The following LINGO2 variants were observed in gnomAD, a reference collection of about 807,000 sequenced individuals.
LINGO2 encodes the protein leucine rich repeat and Ig domain containing 2, also known as leucine-rich repeat and immunoglobulin-like domain-containing nogo receptor-interacting protein 2.
Under a neutral mutation model 30.6 loss-of-function variants are expected in LINGO2, and 14 were observed. That is an observed-to-expected ratio of 0.46 (90% CI 0.30 to 0.72). The LOEUF is 0.72. Among genes scored for constraint, LINGO2 ranks in the 30% least tolerant of loss-of-function variants. The probability of loss-of-function intolerance (pLI) is 0.07; values close to 1 mark genes in which losing one functional copy is unlikely to be tolerated. For synonymous variants in LINGO2, 317 were observed against 288.5 expected (o/e 1.10, Z -1.00); for missense variants, 729 against 751.7 (o/e 0.97, Z 0.35).
At chr9:28,076,927 T>TA (rs2133199668) in intron 4 of LINGO2, among the ~76,000 whole-genome samples, 1 of 152,278 alleles carries the variant, frequency 6.6e-6, no homozygotes, top group East Asian at 1.9e-4. Flanking sequence ...GTCTATTATT[T>TA]CATTGTTTGT....
chr9:29,105,882 A>G, the LINGO2 span, among the ~76,000 whole-genome samples: 1 of 152,136 alleles, frequency 6.6e-6, no homozygotes, highest in East Asian at 1.9e-4. Flanking sequence ...TCAGTCCTAC[A>G]TCCATAGTGA....
intron 4 of LINGO2, among the ~76,000 whole-genome samples, chr9:28,160,251 A>G (rs147603549): frequency 0.024 from 3,618 of 152,324 alleles, 83 homozygotes; most frequent in Non-Finnish European, 0.036. Context: ...AGTAGAAATA[A>G]GACCATCTTG....
intron 5 of LINGO2, among the ~76,000 whole-genome samples, chr9:28,001,101 A>G (rs998850971): frequency 2.2e-4 from 33 of 152,354 alleles, no homozygotes; most frequent in African/African-American, 7.7e-4. Context: ...ACATTTTTAA[A>G]GGAATTTTCT....
chr9:28,640,826 C>A (rs1230566642), intron 1 of LINGO2, among the ~76,000 whole-genome samples: 1 of 152,130 alleles, frequency 6.6e-6, no homozygotes. Flanking sequence ...TCTCTCAACT[C>A]GTCAAAGTCA....
chr9:28,933,586 A>G, the LINGO2 span, among the ~76,000 whole-genome samples: 1 of 152,160 alleles, frequency 6.6e-6, no homozygotes, highest in Non-Finnish European at 1.5e-5. Flanking sequence ...CAAAGATTTT[A>G]TAAGTGTGAA....
the LINGO2 span, chr9:28,889,025 C>G: frequency 2.2e-6 from 1 of 456,168 alleles, no homozygotes; most frequent in Non-Finnish European, 4.7e-6. Flanking sequence ...CAAGTGAATA[C>G]AGTAATCTGT....
At chr9:28,059,125 A>G (rs1825058287) in intron 4 of LINGO2, among the ~76,000 whole-genome samples, 1 of 152,094 alleles carries the variant, frequency 6.6e-6, no homozygotes, top group African/African-American at 2.4e-5. Flanking sequence ...GTCCTCTGGA[A>G]TGTGTCTAGA....
At chr9:28,959,628 A>T in the LINGO2 span, among the ~76,000 whole-genome samples, 1 of 151,350 alleles carries the variant, frequency 6.6e-6, no homozygotes, top group Non-Finnish European at 1.5e-5. Context: ...ACACACACAC[A>T]CACACACACA....
intron 2 of LINGO2, among the ~76,000 whole-genome samples, chr9:28,432,408 A>T (rs906994443): frequency 1.3e-5 from 2 of 151,598 alleles, no homozygotes; most frequent in Non-Finnish European, 2.9e-5. Flanking sequence ...TAAGATATTT[A>T]CTAATATACA....
the LINGO2 span, among the ~76,000 whole-genome samples, chr9:28,875,444 A>G: frequency 6.6e-6 from 1 of 152,084 alleles, no homozygotes; most frequent in South Asian, 2.1e-4. Flanking sequence ...ACTTTCACCT[A>G]TATGTTTACA....
intron 3 of LINGO2, among the ~76,000 whole-genome samples, chr9:28,349,126 G>A (rs1294052036): frequency 6.6e-6 from 1 of 152,210 alleles, no homozygotes; most frequent in African/African-American, 2.4e-5. Flanking sequence ...TTCCTCACTA[G>A]CAACGGAACA....
intron 4 of LINGO2, among the ~76,000 whole-genome samples, chr9:28,167,760 C>G (rs1352808423): frequency 6.6e-6 from 1 of 152,132 alleles, no homozygotes; most frequent in Non-Finnish European, 1.5e-5. Flanking sequence ...GATAATAATT[C>G]TTGTTCTAGG....
chr9:28,212,778 A>G lies in LINGO2; in HGVS notation c.-87+82430T>C, dbSNP rs142886859. ...AAGTACTCAAAAGCCACATGAGGTTAGTACCTACCATACTGAATAGCACAG... is the reference window on the plus strand; with the variant it reads ...AAGTACTCAAAAGCCACATGAGGTTGGTACCTACCATACTGAATAGCACAG... On this transcript the variant is annotated intron_variant, in intron 4 of 5. Transcript: ENST00000379992. Among the ~76,000 whole-genome samples the G allele has an allele frequency of 9.6e-4, 145 of 151,632 alleles. 2 individuals carry two copies. The highest frequency in any genetic ancestry group is 7.1e-3 in the East Asian group (37 of 5,180).
chr9:27,985,439 C>G (rs551291783), intron 5 of LINGO2, among the ~76,000 whole-genome samples: 1 of 151,916 alleles, frequency 6.6e-6, no homozygotes, highest in African/African-American at 2.4e-5. Context: ...CATTTGGACT[C>G]AGGAGCCCTT....
chr9:28,940,972 A>G, the LINGO2 span, among the ~76,000 whole-genome samples: 10 of 151,076 alleles, frequency 6.6e-5, no homozygotes, highest in Non-Finnish European at 1.5e-4. Context: ...TAAAAGGAAC[A>G]CTCATATTTA....
chr9:29,107,322 T>C, the LINGO2 span, among the ~76,000 whole-genome samples: 1 of 152,174 alleles, frequency 6.6e-6, no homozygotes, highest in Non-Finnish European at 1.5e-5. Flanking sequence ...ACATAAGTAA[T>C]TGAAAAATAA....
intron 3 of LINGO2, among the ~76,000 whole-genome samples, chr9:28,371,633 C>A (rs1285232599): frequency 9.9e-5 from 15 of 152,180 alleles, no homozygotes; most frequent in Non-Finnish European, 1.9e-4. Context: ...AGTACCTTGT[C>A]ACTGCAGGGC....
chr9:28,142,674 C>T (rs1448612016), intron 4 of LINGO2, among the ~76,000 whole-genome samples: 1 of 152,010 alleles, frequency 6.6e-6, no homozygotes, highest in East Asian at 1.9e-4. Flanking sequence ...GAGATAATTC[C>T]CTGATTCCTT....
chr9:28,833,333 T>C, the LINGO2 span, among the ~76,000 whole-genome samples: 1 of 152,194 alleles, frequency 6.6e-6, no homozygotes, highest in African/African-American at 2.4e-5. Flanking sequence ...GAAGATATCC[T>C]TCATGATCTA....
Sources: allele counts gnomAD v4.1 joint callset (sites outside exome capture counted in the v4.1 genomes callset), GRCh38; gene constraint gnomAD v4.1.1; transcripts MANE v1.5; gene names NCBI Gene and HGNC (gene_info 2026-07-23, HGNC 2026-07-21).